Variants in PAX3 observed in about 807,000 individuals in gnomAD.
PAX3 encodes the protein paired box protein Pax-3.
PAX3 carries 14 observed loss-of-function variants against 51.6 expected under a neutral mutation model. The ratio of observed to expected loss-of-function variants is 0.27; its 90% confidence interval spans 0.18 to 0.42. PAX3 has a LOEUF of 0.42. Among genes scored for constraint, PAX3 ranks in the 10% least tolerant of loss-of-function variants. The probability of loss-of-function intolerance (pLI) is 1.00; values close to 1 mark genes in which losing one functional copy is unlikely to be tolerated. For synonymous variants in PAX3, 280 were observed against 253.4 expected (o/e 1.11, Z -1.00); for missense variants, 540 against 642.8 (o/e 0.84, Z 1.73).
intron 4 of PAX3, among the ~76,000 whole-genome samples, chr2:222,255,917 A>ATTTTTTTTTTTTTTTT (rs57757180): frequency 7.0e-4 from 69 of 98,324 alleles, no homozygotes; most frequent in Middle Eastern, 7.8e-3. Context: ...CGCCCAGCTA[A>ATTTTTTTTTTTTTTTT]TTTTTTTTTT....
At chr2:222,258,666 C>T (rs569051809) in intron 4 of PAX3, among the ~76,000 whole-genome samples, 1 of 152,258 alleles carries the variant, frequency 6.6e-6, no homozygotes, top group East Asian at 1.9e-4. Context: ...TATGCTTCTC[C>T]CCTTCCTCTG....
intron 4 of PAX3, among the ~76,000 whole-genome samples, chr2:222,259,499 A>G (rs1440068432): frequency 1.3e-5 from 2 of 152,350 alleles, no homozygotes; most frequent in African/African-American, 4.8e-5. Context: ...TATTAAGAAC[A>G]TCAAAATCAA....
intron 4 of PAX3, among the ~76,000 whole-genome samples, chr2:222,289,167 A>C (rs1408085592): frequency 6.6e-6 from 1 of 152,214 alleles, no homozygotes; most frequent in East Asian, 1.9e-4. Flanking sequence ...ATTTACCCTC[A>C]TAGATAAGTT....
chr2:222,203,044 T>TATATATATATATATATATATAC (rs1559250419), intron 7 of PAX3, among the ~76,000 whole-genome samples: 2 of 123,502 alleles, frequency 1.6e-5, no homozygotes, highest in Admixed American at 8.1e-5. Flanking sequence ...TATATATATA[T>TATATATATATATATATATATAC]ATATATATAT....
intron 4 of PAX3, among the ~76,000 whole-genome samples, chr2:222,234,007 C>G (rs903054916): frequency 5.9e-5 from 9 of 152,184 alleles, no homozygotes; most frequent in African/African-American, 2.2e-4. Context: ...CTCTGCCCTA[C>G]AGAAATCTAA....
intron 4 of PAX3, among the ~76,000 whole-genome samples, chr2:222,285,368 AGGCAAG>A: frequency 6.6e-6 from 1 of 152,382 alleles, no homozygotes; most frequent in African/African-American, 2.4e-5. Flanking sequence ...TAGTACTCAA[AGGCAAG>A]GGCCAATGAA....
At chr2:222,214,881 G>T (rs568150745) in intron 7 of PAX3, 1 of 124,578 alleles carries the variant, frequency 8.0e-6, no homozygotes, top group Non-Finnish European at 1.7e-5. Context: ...ACAGTTAAAG[G>T]TTCTCTAAAA....
In PAX3 at chr2:222,221,366, C is replaced by T; in HGVS notation, c.814G>A (p.Ala272Thr). 2 of 1,613,974 alleles carry T rather than the reference C, an allele frequency of 1.2e-6. No homozygotes were observed. Among genetic ancestry groups the T allele is most frequent in the Non-Finnish European group, 1.7e-6 (2 of 1,179,886 alleles). Reference protein sequence around the residue: ...RVQVWFSNRRARWRKQAGANQ... With the variant: ...RVQVWFSNRRTRWRKQAGANQ... ...GCCCCAGCTTGCTTCCTCCATCTTG[C>T]ACGGCGGTTGCTAAACCAGACCTAT... The change falls in exon 6 of 9, where the codon GCA (alanine) becomes ACA (threonine). Residue 272 changes from alanine to threonine, a missense_variant. By Grantham distance (58) the Ala-to-Thr change is moderately conservative. Transcript: ENST00000392070.
intron 4 of PAX3, 40 bp downstream of exon 4, chr2:222,294,127 G>T (rs1427576730): frequency 6.2e-7 from 1 of 1,613,438 alleles, no homozygotes; most frequent in Non-Finnish European, 8.5e-7. Flanking sequence ...TGCCCTCCAA[G>T]TCACCCAGCA....
intron 4 of PAX3, among the ~76,000 whole-genome samples, chr2:222,275,340 A>G (rs1694381459): frequency 6.6e-6 from 1 of 152,170 alleles, no homozygotes; most frequent in Admixed American, 6.5e-5. Flanking sequence ...TTTAAGATAA[A>G]CTACAATAAA....
chr2:222,278,506 A>C (rs2106170188), intron 4 of PAX3, among the ~76,000 whole-genome samples: 1 of 152,344 alleles, frequency 6.6e-6, no homozygotes, highest in East Asian at 1.9e-4. Context: ...TCTTGGCCAA[A>C]GAGACCCTTC....
chr2:222,269,804 A>G (rs776863408), intron 4 of PAX3, among the ~76,000 whole-genome samples: 38 of 152,240 alleles, frequency 2.5e-4, no homozygotes, highest in Non-Finnish European at 4.3e-4. Flanking sequence ...GGTAGCACAG[A>G]GGGAAAATGT....
chr2:222,257,562 C>A (rs544170494), intron 4 of PAX3, among the ~76,000 whole-genome samples: 1 of 152,218 alleles, frequency 6.6e-6, no homozygotes, highest in Non-Finnish European at 1.5e-5. Flanking sequence ...TTAAACACAA[C>A]CTTCATTTTG....
chr2:222,296,463 G>A lies in PAX3; in HGVS notation c.321+515C>T, dbSNP rs181501422. Among the ~76,000 whole-genome samples, 91 of 152,134 alleles carry A rather than the reference G, an allele frequency of 6.0e-4. 1 individual carries two copies. Among genetic ancestry groups the A allele is most frequent in the Non-Finnish European group, 1.1e-3 (75 of 67,994 alleles). Reference sequence around the variant, plus strand: ...AAACTGCTTATTTTTTTTTAATGGAGTCATTGGCTTATTACAAAGAAAACT... The same window carrying A: ...AAACTGCTTATTTTTTTTTAATGGAATCATTGGCTTATTACAAAGAAAACT... On this transcript the variant is annotated intron_variant, in intron 2 of 8. Transcript: ENST00000392070.
chr2:222,254,187 C>T (rs61322557), intron 4 of PAX3, among the ~76,000 whole-genome samples: 17,632 of 151,950 alleles, frequency 0.12, 1,249 homozygotes, highest in East Asian at 0.32. Context: ...AAGTATTCAA[C>T]CAGACATGTT....
chr2:222,212,868 G>A lies in PAX3; in HGVS notation c.1173+7272C>T, dbSNP rs935773955. On this transcript the variant is annotated intron_variant, in intron 7 of 8. Transcript: ENST00000392070. ...ATTGGCCCCACATAATATCTAGCAC[G>A]GCTATGTATTGCTGACTACAAAGAA... Among the ~76,000 whole-genome samples, 8 of 152,102 alleles carry A rather than the reference G, an allele frequency of 5.3e-5. No homozygotes were observed. In the East Asian group the frequency reaches 5.8e-4, roughly 11 times the overall value.
chr2:222,229,018 T>C (rs1483938947), intron 5 of PAX3, among the ~76,000 whole-genome samples: 1 of 151,962 alleles, frequency 6.6e-6, no homozygotes. Flanking sequence ...AGGTACCAAA[T>C]CCTGGAATAT....
At chr2:222,290,861 T>A (rs771862784) in intron 4 of PAX3, among the ~76,000 whole-genome samples, 7 of 148,512 alleles carry the variant, frequency 4.7e-5, no homozygotes, top group Non-Finnish European at 7.4e-5. Flanking sequence ...GGGCTTTCTT[T>A]AAAATAAGAA....
intron 7 of PAX3, among the ~76,000 whole-genome samples, chr2:222,208,883 T>C (rs1691612480): frequency 1.3e-5 from 2 of 152,206 alleles, no homozygotes; most frequent in African/African-American, 4.8e-5. Context: ...AAATTTTCTC[T>C]CTAATTGCCT....
Sources: gnomAD v4.1 joint callset for allele counts (sites outside exome capture counted in the v4.1 genomes callset) on GRCh38, gnomAD v4.1.1 for gene constraint, MANE v1.5 for transcripts, NCBI Gene and HGNC (gene_info 2026-07-23, HGNC 2026-07-21) for gene names.